Variants in DHRS12 observed in about 807,000 individuals in gnomAD.
The protein encoded by DHRS12 is dehydrogenase/reductase 12, also known as dehydrogenase/reductase SDR family member 12.
DHRS12 carries 29 observed loss-of-function variants against 32.1 expected under a neutral mutation model. The observed-to-expected ratio is 0.90, with a 90% CI of 0.67 to 1.23. DHRS12 has a LOEUF of 1.23. Ranked by LOEUF, DHRS12 falls within the 50% of genes most tolerant of loss-of-function variation. The pLI, the probability that DHRS12 is intolerant of heterozygous loss-of-function variation, is 0.00. For synonymous variants in DHRS12, 150 were observed against 135.9 expected (o/e 1.10, Z -0.72); for missense variants, 330 against 337.2 (o/e 0.98, Z 0.17).
intron 4 of DHRS12, among the ~76,000 whole-genome samples, chr13:51,788,455 C>G (rs1296797003): frequency 6.6e-6 from 1 of 152,150 alleles, no homozygotes; most frequent in Non-Finnish European, 1.5e-5. Flanking sequence ...TCTTCCCACT[C>G]CTAGCCTTTC....
chr13:51,770,927 T>C lies in DHRS12; in HGVS notation c.559+894A>G, dbSNP rs138101870. 1,388 of 1,257,286 alleles carry C rather than the reference T, an allele frequency of 1.1e-3. 9 individuals are homozygous for C. In the African/African-American group the frequency reaches 0.018, roughly 16 times the overall value. 77.9% of individuals were successfully genotyped at this position (1,257,286 alleles called of 1,614,324 possible). On this transcript the variant is annotated intron_variant, in intron 7 of 8. Coordinates refer to ENST00000444610, the MANE Select transcript of DHRS12 (RefSeq NM_001377533.1). ...TCATCTCCTACCACCAGCACTGTGA[T>C]AAGCAACCTTGTTTTCCCTATCTTT...
At chr13:51,769,433 A>C in intron 7 of DHRS12, 140 bp from the exon 8 acceptor site, 2 of 725,864 alleles carry the variant, frequency 2.8e-6, no homozygotes, top group Non-Finnish European at 2.1e-6. Context: ...GCACTCACCC[A>C]AGCCACTCGG....
intron 1 of DHRS12, among the ~76,000 whole-genome samples, chr13:51,802,171 A>T (rs1257572852): frequency 6.9e-4 from 6 of 8,682 alleles, no homozygotes; most frequent in South Asian, 2.7e-3. Flanking sequence ...TCTATTTTTC[A>T]CACACACACA....
chr13:51,777,891 T>G (rs1295419420), intron 4 of DHRS12, among the ~76,000 whole-genome samples: 2 of 152,272 alleles, frequency 1.3e-5, no homozygotes, highest in Non-Finnish European at 2.9e-5. Context: ...TGTTTATTAC[T>G]CTGTGTTTAC....
the DHRS12 span, chr13:51,762,975 T>C: frequency 6.6e-5 from 10 of 152,230 alleles, no homozygotes; most frequent in Admixed American, 4.6e-4. Flanking sequence ...TGGAATCTTA[T>C]GTCATTTTGT....
intron 1 of DHRS12, among the ~76,000 whole-genome samples, chr13:51,803,357 A>G (rs950498974): frequency 6.6e-6 from 1 of 152,202 alleles, no homozygotes; most frequent in Non-Finnish European, 1.5e-5. Flanking sequence ...GGTACTTTTA[A>G]TTCTCGCCCA....
intron 4 of DHRS12, among the ~76,000 whole-genome samples, chr13:51,779,957 A>G (rs1025988164): frequency 6.6e-6 from 1 of 152,016 alleles, no homozygotes; most frequent in Admixed American, 6.6e-5. Context: ...CGGGCGGATC[A>G]CTTGAGGTCA....
At chr13:51,784,856 C>A (rs972350835) in intron 4 of DHRS12, among the ~76,000 whole-genome samples, 1 of 152,250 alleles carries the variant, frequency 6.6e-6, no homozygotes, top group African/African-American at 2.4e-5. Context: ...AATTCCCCCA[C>A]TAGGCCAGCA....
chr13:51,764,251 C>A (rs1180328881), downstream of DHRS12: 1 of 152,166 alleles, frequency 6.6e-6, no homozygotes, highest in Non-Finnish European at 1.5e-5. Context: ...TCAGGCTGGG[C>A]AGAGGTCACA....
downstream of DHRS12, chr13:51,764,004 GAGAA>G (rs1430088881): frequency 5.3e-5 from 8 of 152,200 alleles, no homozygotes; most frequent in African/African-American, 1.4e-4. Flanking sequence ...TTCGAAGTGA[GAGAA>G]AGCATTTTAC....
chr13:51,773,896 T>A (rs767740359), intron 6 of DHRS12, 34 bp downstream of exon 6: 2 of 1,589,196 alleles, frequency 1.3e-6, no homozygotes, highest in Non-Finnish European at 1.7e-6. Context: ...AGCCCGTGGG[T>A]AAAATGCAGT....
intron 4 of DHRS12, among the ~76,000 whole-genome samples, chr13:51,780,450 A>G (rs544062507): frequency 9.8e-5 from 15 of 152,328 alleles, no homozygotes; most frequent in Non-Finnish European, 1.9e-4. Flanking sequence ...CTACTGGAAA[A>G]GTTGCCCAAG....
chr13:51,803,973 C>T, intron 1 of DHRS12, 81 bp downstream of exon 1: 1 of 1,243,872 alleles, frequency 8.0e-7, no homozygotes, highest in South Asian at 2.3e-5. Flanking sequence ...GCCGCGGGCG[C>T]GTCCCCGCCA....
intron 2 of DHRS12, among the ~76,000 whole-genome samples, chr13:51,796,878 G>A (rs1363676915): frequency 6.6e-6 from 1 of 152,242 alleles, no homozygotes; most frequent in African/African-American, 2.4e-5. Flanking sequence ...GGATTTCCAT[G>A]AGAAAGGGAA....
chr13:51,780,099 C>T lies in DHRS12; in HGVS notation c.302-2978G>A, dbSNP rs923536697. Among the ~76,000 whole-genome samples the T allele has an allele frequency of 2.6e-5, 4 of 152,196 alleles. No homozygotes were observed. The East Asian group carries it at 7.7e-4, about 29-fold the overall frequency. On this transcript the variant is annotated intron_variant, in intron 4 of 8. Transcript: ENST00000444610. The stretch of plus-strand genomic sequence containing the variant: ...GGCTGAGGCAGGAGAATCGCTTGAA[C>T]CCAGGAGGCGGAGGTTGCAATGAGC...
downstream of DHRS12, chr13:51,765,792 T>A (rs897491383): frequency 6.6e-6 from 1 of 152,188 alleles, no homozygotes; most frequent in African/African-American, 2.4e-5. Context: ...GCAAAAAAAA[T>A]TCTTTTTAAA....
chr13:51,784,554 C>G (rs1159849075), intron 4 of DHRS12, among the ~76,000 whole-genome samples: 4 of 152,200 alleles, frequency 2.6e-5, no homozygotes, highest in African/African-American at 9.6e-5. Context: ...GATGTTAAAA[C>G]AACATTAGCT....
chr13:51,774,029 G>C lies in DHRS12; in HGVS notation c.369C>G (p.Thr123=), dbSNP rs772321823. The change falls in exon 6 of 9, where the codon ACC becomes ACG. Residue 123 remains threonine (T), a synonymous_variant. Coordinates refer to ENST00000444610, the MANE Select transcript of DHRS12 (RefSeq NM_001377533.1). ...GAACCAACATTCCTCCTGAGGAGAC[G>C]GTTATCTGCAATAAAGGTAACAGAG... is the stretch of plus-strand genomic sequence containing the variant. The part of the protein sequence containing the change: ...LEKEHDPRVI[T]VSSGGMLVQK... The C allele has an allele frequency of 6.8e-6, 11 of 1,613,560 alleles. No individual in the cohort carries two copies. The Admixed American group carries it at 1.0e-4, about 15-fold the overall frequency.
At chr13:51,776,779 GCC>G (rs1343811093) in intron 5 of DHRS12, among the ~76,000 whole-genome samples, 2 of 152,082 alleles carry the variant, frequency 1.3e-5, no homozygotes, top group Non-Finnish European at 2.9e-5. Flanking sequence ...CCCACAAGCC[GCC>G]CCTGCCCTTC....
Sources: gnomAD v4.1 joint callset for allele counts (sites outside exome capture counted in the v4.1 genomes callset) on GRCh38, gnomAD v4.1.1 for gene constraint, MANE v1.5 for transcripts, NCBI Gene and HGNC (gene_info 2026-07-23, HGNC 2026-07-21) for gene names.